Variants in ATP2C2 observed in about 807,000 individuals in gnomAD.
The protein encoded by ATP2C2 is ATPase secretory pathway Ca2+ transporting 2.
A neutral mutation model predicts 110.8 loss-of-function variants in ATP2C2; 171 were observed. That is an observed-to-expected ratio of 1.54 (90% CI 1.36 to 1.75). ATP2C2 has a LOEUF of 1.75. Among genes scored for constraint, ATP2C2 ranks in the 40% most tolerant of loss-of-function variants. ATP2C2 has a pLI of 0.00. For synonymous variants in ATP2C2, 804 were observed against 508.4 expected (o/e 1.58, Z -7.82); for missense variants, 1,963 against 1,235.0 (o/e 1.59, Z -8.84).
At chr16:84,440,503 G>T (rs1909145300) in intron 13 of ATP2C2, among the ~76,000 whole-genome samples, 1 of 152,220 alleles carries the variant, frequency 6.6e-6, no homozygotes, top group Non-Finnish European at 1.5e-5. Flanking sequence ...GCAGAGCTGA[G>T]TAGCCACGAC....
At chr16:84,463,259 GC>G (rs1461109698) in intron 26 of ATP2C2, among the ~76,000 whole-genome samples, 1 of 151,844 alleles carries the variant, frequency 6.6e-6, no homozygotes, top group Non-Finnish European at 1.5e-5. Flanking sequence ...TGGACAGGGA[GC>G]CCAGACTGGT....
intron 16 of ATP2C2, among the ~76,000 whole-genome samples, chr16:84,447,364 A>C (rs1909846101): frequency 6.6e-6 from 1 of 152,126 alleles, no homozygotes; most frequent in Non-Finnish European, 1.5e-5. Context: ...ATATATTCTC[A>C]TTGAAAAAGT....
intron 2 of ATP2C2, among the ~76,000 whole-genome samples, chr16:84,401,895 G>T (rs888393324): frequency 4.0e-5 from 6 of 151,746 alleles, no homozygotes; most frequent in Non-Finnish European, 7.4e-5. Context: ...ATAGGGATTC[G>T]ATTAAATCTA....
At chr16:84,418,170 G>A (rs1422727115) in intron 7 of ATP2C2, among the ~76,000 whole-genome samples, 6 of 152,334 alleles carry the variant, frequency 3.9e-5, no homozygotes, top group East Asian at 1.9e-4. Flanking sequence ...GTGACGCTTC[G>A]TCTTGGAGGT....
At chr16:84,447,683 ATTAT>A (rs1006267016) in intron 16 of ATP2C2, among the ~76,000 whole-genome samples, 3 of 145,718 alleles carry the variant, frequency 2.1e-5, no homozygotes, top group East Asian at 3.9e-4. Context: ...TATTACATAT[ATTAT>A]TTAATATATA....
intron 1 of ATP2C2, among the ~76,000 whole-genome samples, chr16:84,374,500 C>T (rs16963518): frequency 0.33 from 50,446 of 152,026 alleles, 9,155 homozygotes; most frequent in East Asian, 0.47. Flanking sequence ...TTGAAGGCTC[C>T]TGAGAATACG....
At chr16:84,397,907 A>G (rs761765007) in intron 1 of ATP2C2, among the ~76,000 whole-genome samples, 2 of 151,846 alleles carry the variant, frequency 1.3e-5, no homozygotes, top group African/African-American at 2.4e-5. Flanking sequence ...GCATGGCACC[A>G]TTTCCATAAA....
intron 25 of ATP2C2, 81 bp from the exon 26 acceptor site, chr16:84,461,907 C>G: frequency 6.2e-7 from 1 of 1,605,758 alleles, no homozygotes; most frequent in Non-Finnish European, 8.5e-7. Context: ...GGCTCTGGCT[C>G]AGCGTGGGCA....
intron 1 of ATP2C2, among the ~76,000 whole-genome samples, chr16:84,395,626 C>T (rs1030451949): frequency 9.2e-5 from 14 of 151,832 alleles, no homozygotes; most frequent in African/African-American, 3.4e-4. Context: ...CTCCCTGACT[C>T]AGCCTCCAGA....
chr16:84,450,848 G>C (rs1463547326), intron 17 of ATP2C2, among the ~76,000 whole-genome samples: 1 of 152,084 alleles, frequency 6.6e-6, no homozygotes, highest in Non-Finnish European at 1.5e-5. Context: ...GCGCCCCCAA[G>C]ACTGCTGGAG....
At chr16:84,425,900 A>C (rs1907771933) in intron 11 of ATP2C2, 99 bp downstream of exon 11, 1 of 1,443,322 alleles carries the variant, frequency 6.9e-7, no homozygotes, top group Non-Finnish European at 9.7e-7. Context: ...CAGAATAGGA[A>C]GGGTTGGGAA....
At chr16:84,397,500 C>A (rs1392194545) in intron 1 of ATP2C2, among the ~76,000 whole-genome samples, 1 of 151,264 alleles carries the variant, frequency 6.6e-6, no homozygotes, top group East Asian at 1.9e-4. Context: ...CATAGGGAGA[C>A]CCTGTCCCTA....
intron 1 of ATP2C2, among the ~76,000 whole-genome samples, chr16:84,379,695 T>A (rs1167271743): frequency 6.6e-6 from 1 of 152,198 alleles, no homozygotes; most frequent in African/African-American, 2.4e-5. Context: ...CTTCTCTGCG[T>A]GTCTCAGATC....
rs777096239 is a variant in ATP2C2, at chr16:84,454,802, C to T, written c.1981-16C>T. On this transcript the variant is annotated splice_polypyrimidine_tract_variant and intron_variant, in intron 20 of 26. Coordinates refer to ENST00000262429, the MANE Select transcript of ATP2C2 (RefSeq NM_014861.4). ...GTCGTCAGGCTGCAGGCCTTCATTGCCTGCTCTTTCCAAAGGCTCTGCAGG... is the reference window on the plus strand; with the variant it reads ...GTCGTCAGGCTGCAGGCCTTCATTGTCTGCTCTTTCCAAAGGCTCTGCAGG... The T allele has an allele frequency of 6.4e-6, 10 of 1,571,832 alleles. No individual in the cohort carries two copies. In the Admixed American group the frequency reaches 1.2e-4, roughly 18 times the overall value.
At chr16:84,448,775 G>A (rs956606632) in intron 17 of ATP2C2, 86 bp downstream of exon 17, 2 of 1,513,608 alleles carry the variant, frequency 1.3e-6, no homozygotes, top group Non-Finnish European at 1.8e-6. Context: ...CCCTAGTCAA[G>A]GAGGTCACCC....
intron 11 of ATP2C2, among the ~76,000 whole-genome samples, chr16:84,436,575 C>G (rs1908754419): frequency 6.6e-6 from 1 of 152,114 alleles, no homozygotes; most frequent in African/African-American, 2.4e-5. Flanking sequence ...TTCTAGTCCC[C>G]TAAATAGTCT....
chr16:84,422,850 A>T (rs2150545522), intron 9 of ATP2C2, among the ~76,000 whole-genome samples, 153 bp downstream of exon 9: 1 of 151,914 alleles, frequency 6.6e-6, no homozygotes, highest in South Asian at 2.1e-4. Context: ...TTTTTAATAG[A>T]GACAGGGTTT....
Position 84,368,598 on chromosome 16 carries a change from C to G in ATP2C2, c.-18C>G. 2 of 1,533,178 alleles carry G rather than the reference C, an allele frequency of 1.3e-6. No individual in the cohort carries two copies. The highest frequency in any genetic ancestry group is 1.8e-6 in the Non-Finnish European group (2 of 1,134,756). The allele number at this position is 1,533,178 out of a possible 1,614,324, so 95.0% of individuals were successfully genotyped here. Reference sequence around the variant, plus strand: ...GCCGGGGACCTAGGGACGCAGGCAACGCCTGCGCCCGCTCACCATGGTCGA... The same window carrying G: ...GCCGGGGACCTAGGGACGCAGGCAAGGCCTGCGCCCGCTCACCATGGTCGA... On this transcript the variant is annotated 5_prime_UTR_variant, in exon 1 of 27. Transcript: ENST00000262429.
chr16:84,453,159 A>G lies in ATP2C2; in HGVS notation c.1853A>G (p.Asn618Ser), dbSNP rs1228181804. 6.2e-7 allele frequency: 1 copy of G among 1,613,484 alleles called. No homozygotes were observed. Among genetic ancestry groups the G allele is most frequent in the Admixed American group, 1.7e-5 (1 of 59,904 alleles). Residue 618 changes from asparagine (N) to serine (S), a missense_variant, in exon 19 of 27, where the codon AAC becomes AGC. Coordinates refer to ENST00000262429, the MANE Select transcript of ATP2C2 (RefSeq NM_014861.4). ...GAAGGAAGAAACATCGGCCTGTGCAACGGGAAGCTGCAAGCCATGTCCGGG... is the reference window on the plus strand; with the variant it reads ...GAAGGAAGAAACATCGGCCTGTGCAGCGGGAAGCTGCAAGCCATGTCCGGG... Reference protein sequence around the residue: ...LAIGRNIGLCNGKLQAMSGEE... With the variant: ...LAIGRNIGLCSGKLQAMSGEE...
Sources: allele counts gnomAD v4.1 joint callset (sites outside exome capture counted in the v4.1 genomes callset), GRCh38; gene constraint gnomAD v4.1.1; transcripts MANE v1.5; gene names NCBI Gene and HGNC (gene_info 2026-07-23, HGNC 2026-07-21).